LOC131768270: variants seen among roughly 807,000 people sequenced by gnomAD.
At chr5:140,565,692 C>A in the LOC131768270 span, 2 of 381,328 alleles carry the variant, frequency 5.2e-6, no homozygotes, top group East Asian at 7.5e-5. Flanking sequence ...CTTCCTGGCC[C>A]TCATTTGAAT....
the LOC131768270 span, among the ~76,000 whole-genome samples, chr5:140,566,335 G>T: frequency 6.6e-6 from 1 of 152,140 alleles, no homozygotes; most frequent in South Asian, 2.1e-4. Flanking sequence ...CTTGTGTGGC[G>T]GTGGAGTTCT....
the LOC131768270 span, chr5:140,566,662 G>T: frequency 2.0e-6 from 1 of 491,244 alleles, no homozygotes; most frequent in Non-Finnish European, 3.6e-6. Flanking sequence ...TTTGCTGTGG[G>T]CACCTGCACT....
At chr5:140,568,804 T>C in the LOC131768270 span, 1 of 167,630 alleles carries the variant, frequency 6.0e-6, no homozygotes, top group Non-Finnish European at 1.5e-5. Context: ...TCTCAGGGAA[T>C]GTAGCCCCTG....
chr5:140,567,773 T>TC, the LOC131768270 span: 1 of 1,614,066 alleles, frequency 6.2e-7, no homozygotes. Context: ...CTCAGGCTTG[T>TC]CGTCAGTGTA....
At chr5:140,568,330 G>C in the LOC131768270 span, 1 of 891,260 alleles carries the variant, frequency 1.1e-6, no homozygotes, top group Non-Finnish European at 1.7e-6. Context: ...ACCCCTAGGA[G>C]ATGTGAAGTG....
chr5:140,567,709 G>A, the LOC131768270 span: 2 of 1,614,104 alleles, frequency 1.2e-6, no homozygotes, highest in South Asian at 2.2e-5. Context: ...CCAGCCCCAT[G>A]CCCCTGCATA....
chr5:140,566,229 A>T, the LOC131768270 span, among the ~76,000 whole-genome samples: 2 of 152,188 alleles, frequency 1.3e-5, no homozygotes, highest in African/African-American at 4.8e-5. Flanking sequence ...CATTATAAAC[A>T]TGAGGGGTGA....
the LOC131768270 span, chr5:140,568,140 G>A: frequency 1.4e-5 from 23 of 1,613,600 alleles, no homozygotes; most frequent in East Asian, 1.8e-4. Context: ...TATGGCAGCC[G>A]CTAGTCCCTG....
At chr5:140,567,376 T>G in the LOC131768270 span, 5 of 1,614,164 alleles carry the variant, frequency 3.1e-6, no homozygotes, top group Non-Finnish European at 4.2e-6. Context: ...CCTTCTCCCT[T>G]CTGGTAGGCT....
chr5:140,568,409 G>C, the LOC131768270 span: 1 of 559,552 alleles, frequency 1.8e-6, no homozygotes, highest in East Asian at 3.3e-5. Flanking sequence ...AAAGAATTAA[G>C]GTAACATCAA....
chr5:140,566,859 A>G, the LOC131768270 span: 2 of 608,246 alleles, frequency 3.3e-6, no homozygotes, highest in Admixed American at 2.8e-5. Context: ...GCTATCTCCA[A>G]CTTTCCTGCC....
chr5:140,568,415 A>C, the LOC131768270 span: 1 of 535,340 alleles, frequency 1.9e-6, no homozygotes, highest in Non-Finnish European at 3.4e-6. Context: ...TTAAGGTAAC[A>C]TCAATACCTA....
chr5:140,567,624 C>G, the LOC131768270 span: 2 of 1,614,148 alleles, frequency 1.2e-6, no homozygotes, highest in South Asian at 1.1e-5. Context: ...CTGATGGCTG[C>G]GGGAGCCTGC....
the LOC131768270 span, chr5:140,567,115 C>T: frequency 1.2e-6 from 2 of 1,613,198 alleles, no homozygotes; most frequent in Admixed American, 3.3e-5. Context: ...CTTGATTTTC[C>T]CCAAACGTGT....
chr5:140,568,475 G>C, the LOC131768270 span: 1 of 365,798 alleles, frequency 2.7e-6, no homozygotes, highest in African/African-American at 2.1e-5. Context: ...GCTTTGTCCT[G>C]CATGAACAGA....
the LOC131768270 span, chr5:140,565,845 G>A: frequency 5.0e-6 from 2 of 398,766 alleles, no homozygotes; most frequent in Non-Finnish European, 8.9e-6. Flanking sequence ...TAGTCAGACT[G>A]CTGGAGCCAG....
chr5:140,566,860 C>A, the LOC131768270 span: 1 of 608,542 alleles, frequency 1.6e-6, no homozygotes. Flanking sequence ...CTATCTCCAA[C>A]TTTCCTGCCA....
chr5:140,566,560 T>G, the LOC131768270 span: 1 of 422,386 alleles, frequency 2.4e-6, no homozygotes, highest in Non-Finnish European at 4.2e-6. Context: ...CATTTTTCTC[T>G]GCAGGATGGC....
chr5:140,565,716 A>G, the LOC131768270 span: 9 of 391,028 alleles, frequency 2.3e-5, no homozygotes, highest in African/African-American at 6.2e-5. Context: ...GTGCTTTTCA[A>G]TGCTTGTCTT....
Sources: gnomAD v4.1 joint callset for allele counts (sites outside exome capture counted in the v4.1 genomes callset) on GRCh38, gnomAD v4.1.1 for gene constraint, MANE v1.5 for transcripts.